The following ASTN2 variants were observed in gnomAD, a reference collection of about 807,000 sequenced individuals.
ASTN2 encodes the protein astrotactin-2.
In ASTN2, 54 loss-of-function variants were observed where a neutral mutation model predicts 139.8. The observed-to-expected ratio is 0.39, with a 90% CI of 0.31 to 0.48. The LOEUF (loss-of-function observed/expected upper bound fraction) is 0.48, where lower values mean the gene tolerates loss of function less well. Ranked by LOEUF, ASTN2 falls within the 20% of genes least tolerant of loss-of-function variation. The probability of loss-of-function intolerance (pLI) is 0.95; values close to 1 mark genes in which losing one functional copy is unlikely to be tolerated. For synonymous variants in ASTN2, 756 were observed against 719.5 expected, an observed-to-expected ratio of 1.05 and a Z score of -0.81; for missense variants, 1,565 against 1,725.1, an observed-to-expected ratio of 0.91 and a Z score of 1.64.
intron 10 of ASTN2, among the ~76,000 whole-genome samples, chr9:116,874,469 G>A (rs1406176905): frequency 6.6e-6 from 1 of 152,114 alleles, no homozygotes. Context: ...GGCACAATAA[G>A]GCCCATCAGC....
At chr9:116,541,802 C>T (rs1310884842) in intron 19 of ASTN2, among the ~76,000 whole-genome samples, 1 of 152,132 alleles carries the variant, frequency 6.6e-6, no homozygotes, top group Non-Finnish European at 1.5e-5. Context: ...ATCCACATCC[C>T]TAAAACCAGA....
At chr9:116,677,636 G>A (rs1342195310) in intron 16 of ASTN2, among the ~76,000 whole-genome samples, 1 of 152,152 alleles carries the variant, frequency 6.6e-6, no homozygotes, top group Admixed American at 6.5e-5. Flanking sequence ...CAAGAGAGAT[G>A]GGCTGATTAC....
intron 19 of ASTN2, among the ~76,000 whole-genome samples, chr9:116,552,897 A>G (rs1412828676): frequency 6.6e-6 from 1 of 152,224 alleles, no homozygotes; most frequent in African/African-American, 2.4e-5. Context: ...TATGGCTTAC[A>G]GTGGAAATCC....
intron 2 of ASTN2, among the ~76,000 whole-genome samples, chr9:117,284,055 C>A (rs1432563688): frequency 6.6e-6 from 1 of 152,152 alleles, no homozygotes; most frequent in Non-Finnish European, 1.5e-5. Context: ...TGTTAAGCTC[C>A]TAACCCTCAG....
intron 3 of ASTN2, among the ~76,000 whole-genome samples, chr9:117,144,205 C>G (rs975654308): frequency 2.6e-5 from 4 of 152,148 alleles, no homozygotes; most frequent in Non-Finnish European, 5.9e-5. Context: ...AGAGGGCCCT[C>G]ACCAGAACTC....
chr9:117,151,068 G>T (rs1028176550), intron 3 of ASTN2, among the ~76,000 whole-genome samples: 3 of 152,008 alleles, frequency 2.0e-5, no homozygotes, highest in African/African-American at 7.2e-5. Flanking sequence ...TCCCTACGTT[G>T]CTTAGGATAG....
chr9:117,023,869 C>A (rs574260278), intron 6 of ASTN2, among the ~76,000 whole-genome samples: 2 of 152,048 alleles, frequency 1.3e-5, no homozygotes, highest in South Asian at 2.1e-4. Context: ...TGAAATAGGA[C>A]TGGAGGCCTC....
chr9:116,730,485 C>A (rs148210665), intron 14 of ASTN2, among the ~76,000 whole-genome samples: 78 of 152,288 alleles, frequency 5.1e-4, no homozygotes, highest in African/African-American at 1.5e-3. Flanking sequence ...AATACATCCT[C>A]TTTGTTTATC....
intron 19 of ASTN2, among the ~76,000 whole-genome samples, chr9:116,488,277 C>G (rs988225103): frequency 3.9e-5 from 6 of 152,086 alleles, no homozygotes; most frequent in African/African-American, 1.4e-4. Flanking sequence ...GTAAAGAAAA[C>G]TAGAAAGAAT....
chr9:117,257,431 T>C (rs759802653), intron 2 of ASTN2, among the ~76,000 whole-genome samples: 17 of 152,220 alleles, frequency 1.1e-4, no homozygotes, highest in Non-Finnish European at 2.4e-4. Flanking sequence ...TCTTTCTAAA[T>C]AGGCAAATCT....
At chr9:116,644,279 G>A (rs1857483015) in intron 17 of ASTN2, among the ~76,000 whole-genome samples, 2 of 152,142 alleles carry the variant, frequency 1.3e-5, no homozygotes, top group African/African-American at 4.8e-5. Context: ...CTGCTGGAAG[G>A]TCAGACAACC....
At chr9:116,647,654 T>A (rs1281075677) in intron 17 of ASTN2, among the ~76,000 whole-genome samples, 1 of 152,088 alleles carries the variant, frequency 6.6e-6, no homozygotes, top group East Asian at 1.9e-4. Flanking sequence ...TGTGCCACAT[T>A]GCAGATGAGG....
At chr9:117,000,322 G>A (rs1482514349) in intron 7 of ASTN2, among the ~76,000 whole-genome samples, 1 of 152,212 alleles carries the variant, frequency 6.6e-6, no homozygotes, top group East Asian at 1.9e-4. Flanking sequence ...AAACCTGGCT[G>A]TGTCTGACTC....
chr9:117,218,890 C>A (rs1015212782), intron 2 of ASTN2, among the ~76,000 whole-genome samples: 9 of 152,146 alleles, frequency 5.9e-5, no homozygotes, highest in African/African-American at 2.2e-4. Flanking sequence ...AAAATCAGGT[C>A]ATAGACTTCT....
At chr9:116,611,020 C>A (rs1324112074) in intron 19 of ASTN2, 1 of 152,090 alleles carries the variant, frequency 6.6e-6, no homozygotes, top group Non-Finnish European at 1.5e-5. Context: ...ACACTGAATA[C>A]AGCAATAGAC....
chr9:116,522,532 G>A (rs1041173098), intron 19 of ASTN2, among the ~76,000 whole-genome samples: 2 of 152,074 alleles, frequency 1.3e-5, no homozygotes, highest in South Asian at 2.1e-4. Flanking sequence ...GAGGGGTGGC[G>A]AGGGATAAAA....
intron 22 of ASTN2, among the ~76,000 whole-genome samples, chr9:116,432,937 GAAGGAAGGAAGA>G (rs1256645962): frequency 2.0e-5 from 3 of 151,984 alleles, no homozygotes; most frequent in Non-Finnish European, 4.4e-5. Context: ...CTTGGGGAAG[GAAGGAAGGAAGA>G]AAGGAAGGAA....
intron 11 of ASTN2, among the ~76,000 whole-genome samples, chr9:116,847,519 G>A (rs919167610): frequency 2.6e-5 from 4 of 152,166 alleles, no homozygotes; most frequent in Non-Finnish European, 5.9e-5. Context: ...TACCTATCTG[G>A]TGATGATAAT....
chr9:116,870,315 G>A (rs893462795), intron 10 of ASTN2, among the ~76,000 whole-genome samples: 1 of 152,078 alleles, frequency 6.6e-6, no homozygotes, highest in Non-Finnish European at 1.5e-5. Context: ...TGTAAAATGG[G>A]AACAATATCT....
Sources: gnomAD v4.1 joint callset for allele counts (sites outside exome capture counted in the v4.1 genomes callset) on GRCh38, gnomAD v4.1.1 for gene constraint, MANE v1.5 for transcripts, NCBI Gene and HGNC (gene_info 2026-07-23, HGNC 2026-07-21) for gene names.